The following ROBO1 variants were observed in gnomAD, a reference collection of about 807,000 sequenced individuals.
ROBO1 encodes roundabout guidance receptor 1, also known as roundabout homolog 1.
ROBO1 carries 149 observed loss-of-function variants against 195.9 expected under a neutral mutation model. The ratio of observed to expected loss-of-function variants is 0.76; its 90% CI spans 0.67 to 0.87. The LOEUF is 0.87. Among genes scored for constraint, ROBO1 ranks in the 40% least tolerant of loss-of-function variants. The probability of loss-of-function intolerance (pLI) is 0.00; values close to 1 mark genes in which losing one functional copy is unlikely to be tolerated. For missense variants in ROBO1, 1,933 were observed against 2,068.3 expected (o/e 0.93, Z 1.27); for synonymous variants, 816 against 733.2 (o/e 1.11, Z -1.82).
chr3:78,640,041 T>G (rs1211933729), intron 21 of ROBO1, 143 bp from the exon 22 acceptor site: 3 of 720,668 alleles, frequency 4.2e-6, no homozygotes, highest in Non-Finnish European at 6.4e-6. Flanking sequence ...ATCCCTTTTA[T>G]TCTACACACA....
chr3:78,722,285 G>C (rs2082062073), intron 5 of ROBO1, among the ~76,000 whole-genome samples: 1 of 151,992 alleles, frequency 6.6e-6, no homozygotes, highest in Non-Finnish European at 1.5e-5. Flanking sequence ...AACCCACCAG[G>C]CATTTTACAA....
chr3:79,409,587 A>T (rs1271005243), intron 2 of ROBO1, among the ~76,000 whole-genome samples: 2 of 151,988 alleles, frequency 1.3e-5, no homozygotes, highest in Non-Finnish European at 2.9e-5. Flanking sequence ...TTAGTTGAGA[A>T]TGTCTCAGTA....
chr3:79,390,725 G>A (rs576030192), intron 2 of ROBO1, among the ~76,000 whole-genome samples: 8 of 152,218 alleles, frequency 5.3e-5, no homozygotes, highest in African/African-American at 1.9e-4. Context: ...AGACAGAGGA[G>A]TCTGAGGAGA....
chr3:78,856,514 A>G (rs993267884), intron 4 of ROBO1, among the ~76,000 whole-genome samples: 2 of 151,984 alleles, frequency 1.3e-5, no homozygotes, highest in African/African-American at 4.8e-5. Context: ...TTGTAAGGAC[A>G]TGCAATTAAT....
At chr3:78,938,370 A>G in intron 4 of ROBO1, 1 of 450,762 alleles carries the variant, frequency 2.2e-6, no homozygotes, top group East Asian at 3.7e-5. Flanking sequence ...ATCACTCCCA[A>G]TCAAAAGTCA....
chr3:78,985,492 G>C (rs1183339990), intron 3 of ROBO1, among the ~76,000 whole-genome samples: 1 of 151,948 alleles, frequency 6.6e-6, no homozygotes, highest in Non-Finnish European at 1.5e-5. Flanking sequence ...CTGCACGAGG[G>C]GTCAGCACCC....
intron 2 of ROBO1, among the ~76,000 whole-genome samples, chr3:79,348,794 G>A (rs2035230550): frequency 1.3e-5 from 2 of 152,168 alleles, no homozygotes; most frequent in South Asian, 2.1e-4. Context: ...ATAGGCAAAG[G>A]TAATGATTAT....
chr3:78,864,917 GA>G (rs376270321), intron 4 of ROBO1, among the ~76,000 whole-genome samples: 2 of 152,046 alleles, frequency 1.3e-5, no homozygotes, highest in African/African-American at 4.8e-5. Flanking sequence ...TAAATGGTTT[GA>G]AAAAATGGCT....
chr3:79,037,732 T>TA (rs2078406081), intron 3 of ROBO1, among the ~76,000 whole-genome samples: 1 of 152,178 alleles, frequency 6.6e-6, no homozygotes, highest in Admixed American at 6.5e-5. Context: ...AAAAAAGTCA[T>TA]AAAAATGTGT....
intron 2 of ROBO1, among the ~76,000 whole-genome samples, chr3:79,225,017 G>C (rs1436299694): frequency 6.6e-6 from 1 of 152,154 alleles, no homozygotes; most frequent in African/African-American, 2.4e-5. Context: ...CGTGTCATTT[G>C]AGTAAAGATC....
chr3:78,885,047 A>G (rs376665398), intron 4 of ROBO1, among the ~76,000 whole-genome samples: 1 of 152,134 alleles, frequency 6.6e-6, no homozygotes, highest in Non-Finnish European at 1.5e-5. Context: ...AATATCATTA[A>G]GAATTCTGAG....
At chr3:79,276,962 CAAT>C (rs1396091368) in intron 2 of ROBO1, among the ~76,000 whole-genome samples, 3 of 151,818 alleles carry the variant, frequency 2.0e-5, no homozygotes, top group Non-Finnish European at 2.9e-5. Context: ...AAAAGGTAGA[CAAT>C]AATAAATGTT....
Position 78,962,249 on chromosome 3 carries a change from C to CAA in ROBO1, c.173-23324_173-23323dup, listed in dbSNP as rs564325876. Among the ~76,000 whole-genome samples, 473 of 152,292 alleles carry CAA rather than the reference C, an allele frequency of 3.1e-3. 3 individuals are homozygous for CAA. The highest frequency in any genetic ancestry group is 0.011 in the African/African-American group (462 of 41,562). The stretch of plus-strand genomic sequence containing the variant: ...CTGTTCAGGCAAAGTGCCTGTGCTT[C>CAA]AAAGTGCCTGTGAATCTTGAAAGTG... On this transcript the variant is annotated intron_variant, in intron 3 of 30. Coordinates refer to ENST00000464233, the MANE Select transcript of ROBO1 (RefSeq NM_002941.4).
At chr3:79,054,314 T>C (rs1410605530) in intron 3 of ROBO1, among the ~76,000 whole-genome samples, 7 of 152,172 alleles carry the variant, frequency 4.6e-5, no homozygotes, top group Admixed American at 3.9e-4. Context: ...AACAAGGTCA[T>C]GCTGAACTAT....
intron 2 of ROBO1, among the ~76,000 whole-genome samples, chr3:79,511,751 C>T (rs942586661): frequency 1.3e-5 from 2 of 152,038 alleles, no homozygotes; most frequent in African/African-American, 4.8e-5. Context: ...TAAAAAAGAA[C>T]AAGATCATGT....
At chr3:79,329,401 T>C (rs1057133469) in intron 2 of ROBO1, among the ~76,000 whole-genome samples, 1 of 152,208 alleles carries the variant, frequency 6.6e-6, no homozygotes, top group African/African-American at 2.4e-5. Context: ...GCCAAATGTT[T>C]AACTGTAGTT....
chr3:79,746,696 A>G (rs780004445), intron 1 of ROBO1, among the ~76,000 whole-genome samples: 4 of 152,006 alleles, frequency 2.6e-5, no homozygotes, highest in Non-Finnish European at 5.9e-5. Context: ...TAGTCCTAAT[A>G]TTTTACTTCA....
chr3:79,440,609 T>G (rs1302449540), intron 2 of ROBO1, among the ~76,000 whole-genome samples: 1 of 152,132 alleles, frequency 6.6e-6, no homozygotes, highest in Admixed American at 6.6e-5. Flanking sequence ...CTATGCGCAC[T>G]TCTTTGTTCT....
intron 2 of ROBO1, among the ~76,000 whole-genome samples, chr3:79,519,927 G>C (rs796662676): frequency 1.2e-4 from 18 of 152,212 alleles, no homozygotes; most frequent in African/African-American, 4.3e-4. Context: ...GGGATACTGA[G>C]ACAGGAATAT....
Sources: gnomAD v4.1 joint callset for allele counts (sites outside exome capture counted in the v4.1 genomes callset) on GRCh38, gnomAD v4.1.1 for gene constraint, MANE v1.5 for transcripts, NCBI Gene and HGNC (gene_info 2026-07-23, HGNC 2026-07-21) for gene names.